The following BRINP2 variants were observed in gnomAD, a reference collection of about 807,000 sequenced individuals.
BRINP2 encodes the protein BMP/retinoic acid inducible neural specific 2.
BRINP2 carries 21 observed loss-of-function variants against 69.2 expected under a neutral mutation model. The ratio of observed to expected loss-of-function variants is 0.30; its 90% CI spans 0.22 to 0.44. The LOEUF (loss-of-function observed/expected upper bound fraction) is 0.44. BRINP2 is among the 20% of genes least tolerant of loss of function. BRINP2 has a pLI of 1.00. For missense variants in BRINP2, 877 were observed against 986.0 expected (o/e 0.89, Z 1.48); for synonymous variants, 380 against 394.1 (o/e 0.96, Z 0.42).
intron 1 of BRINP2, among the ~76,000 whole-genome samples, chr1:177,198,907 A>C (rs1648823142): frequency 6.6e-6 from 1 of 152,182 alleles, no homozygotes; most frequent in South Asian, 2.1e-4. Context: ...CACCTGTCTC[A>C]GTCATTTCTC....
At position 177,266,526 on chromosome 1, in the gene BRINP2, G is replaced by A. The variant is rs556603741; in HGVS notation, c.670-6962G>A. On this transcript the variant is annotated intron_variant, in intron 4 of 7. Coordinates refer to ENST00000361539, the MANE Select transcript of BRINP2 (RefSeq NM_021165.4). ...TGTAATCCCAGCACTTTGGGAGGCC[G>A]AGGAGGGCGGATCACGAGGTCAGGA... is the stretch of plus-strand genomic sequence containing the variant. Among the ~76,000 whole-genome samples the A allele has an allele frequency of 3.3e-5, 5 of 151,978 alleles. No homozygotes were observed. The South Asian group carries it at 6.3e-4, about 19-fold the overall frequency.
chr1:177,252,258 A>G (rs1477733741), intron 2 of BRINP2, among the ~76,000 whole-genome samples: 3 of 152,188 alleles, frequency 2.0e-5, no homozygotes, highest in Non-Finnish European at 2.9e-5. Context: ...ATAAAGCTAC[A>G]CAGCGGGAAT....
At chr1:177,248,003 G>A (rs1650439689) in intron 2 of BRINP2, among the ~76,000 whole-genome samples, 1 of 152,264 alleles carries the variant, frequency 6.6e-6, no homozygotes, top group East Asian at 1.9e-4. Context: ...ACAGGGATGT[G>A]ACTTTCCAAA....
chr1:177,272,179 G>A (rs569557394), intron 4 of BRINP2, among the ~76,000 whole-genome samples: 81 of 152,190 alleles, frequency 5.3e-4, no homozygotes, highest in Non-Finnish European at 9.9e-4. Context: ...AACACAGATG[G>A]TGCCTCTTCT....
At chr1:177,225,819 A>C (rs573836562) in intron 1 of BRINP2, among the ~76,000 whole-genome samples, 1 of 152,292 alleles carries the variant, frequency 6.6e-6, no homozygotes, top group South Asian at 2.1e-4. Flanking sequence ...TTTCTTAAAA[A>C]GAGATTTCTT....
Position 177,278,775 on chromosome 1 carries a change from C to T in BRINP2, c.1225C>T (p.Pro409Ser), listed in dbSNP as rs760874616. Residue 409 changes from proline (P) to serine (S), a missense_variant, in exon 7 of 8, where the codon CCC becomes TCC. Around this residue, in one of 3 missense-constraint regions of BRINP2, gnomAD observed 566 missense variants for 625.2 expected, o/e 0.91. Coordinates refer to ENST00000361539, the MANE Select transcript of BRINP2 (RefSeq NM_021165.4). ...CCATCGCCAGCCTCGCTTCCGCCTG[C>T]CCAAGGAGAGGTGAGCACCCCCTGG... Reference protein sequence around the residue: ...RCHRQPRFRLPKERSLSYWWN... With the variant: ...RCHRQPRFRLSKERSLSYWWN... 6.2e-7 allele frequency: 1 copy of T among 1,613,972 alleles called. No individual in the cohort carries two copies. The highest frequency in any genetic ancestry group is 8.5e-7 in the Non-Finnish European group (1 of 1,180,030).
intron 7 of BRINP2, 89 bp from the exon 8 acceptor site, chr1:177,280,323 C>A: frequency 7.7e-7 from 1 of 1,301,010 alleles, no homozygotes; most frequent in Non-Finnish European, 1.1e-6. Context: ...GCCTTCCACG[C>A]CTAGTGGTCA....
At chr1:177,268,004 C>T (rs994988595) in intron 4 of BRINP2, among the ~76,000 whole-genome samples, 44 of 152,198 alleles carry the variant, frequency 2.9e-4, no homozygotes, top group African/African-American at 1.0e-3. Context: ...CATGAAAAAA[C>T]AAGGATGATT....
chr1:177,186,797 T>C (rs1648439252), intron 1 of BRINP2, among the ~76,000 whole-genome samples: 1 of 152,228 alleles, frequency 6.6e-6, no homozygotes, highest in Non-Finnish European at 1.5e-5. Context: ...TTGCATCTTG[T>C]TCATTAACAA....
intron 4 of BRINP2, among the ~76,000 whole-genome samples, chr1:177,268,173 G>T (rs983107958): frequency 6.6e-6 from 1 of 152,182 alleles, no homozygotes; most frequent in African/African-American, 2.4e-5. Flanking sequence ...TTATGGGATT[G>T]ACATGCCCAT....
At chr1:177,280,340 T>G (rs886984592) in intron 7 of BRINP2, 72 bp from the exon 8 acceptor site, 1 of 1,424,956 alleles carries the variant, frequency 7.0e-7, no homozygotes, top group African/African-American at 1.4e-5. Context: ...GTCAATGTCT[T>G]GCTGCCCTTA....
chr1:177,222,489 T>G (rs1490286633), intron 1 of BRINP2, among the ~76,000 whole-genome samples: 1 of 151,950 alleles, frequency 6.6e-6, no homozygotes, highest in Non-Finnish European at 1.5e-5. Flanking sequence ...TTTTTATATT[T>G]TTAGAAGAGA....
chr1:177,182,326 T>C (rs903898110), intron 1 of BRINP2, among the ~76,000 whole-genome samples: 2 of 152,114 alleles, frequency 1.3e-5, no homozygotes, highest in Non-Finnish European at 2.9e-5. Flanking sequence ...TAATGACTAA[T>C]AATGATTTAA....
chr1:177,214,302 C>T (rs922108466), intron 1 of BRINP2, among the ~76,000 whole-genome samples: 10 of 151,818 alleles, frequency 6.6e-5, no homozygotes, highest in Admixed American at 3.3e-4. Context: ...GCCTGGTGGC[C>T]GGAGCCTGTA....
chr1:177,278,779 A>G lies in BRINP2; in HGVS notation c.1229A>G (p.Lys410Arg), dbSNP rs1362117033. Residue 410 changes from lysine to arginine, a missense_variant, in exon 7 of 8, where the codon AAG becomes AGG. By Grantham distance (26) the Lys-to-Arg change is conservative. Coordinates refer to ENST00000361539, the MANE Select transcript of BRINP2 (RefSeq NM_021165.4). ...CHRQPRFRLP[K>R]ERSLSYWWNR... ...CGCCAGCCTCGCTTCCGCCTGCCCA[A>G]GGAGAGGTGAGCACCCCCTGGCTGC... 1.9e-6 allele frequency: 3 copies of G among 1,613,798 alleles called. No individual in the cohort carries two copies. Among genetic ancestry groups the G allele is most frequent in the Non-Finnish European group, 2.5e-6 (3 of 1,180,026 alleles).
At chr1:177,179,373 C>T (rs1394454592) in intron 1 of BRINP2, among the ~76,000 whole-genome samples, 3 of 152,178 alleles carry the variant, frequency 2.0e-5, no homozygotes, top group Non-Finnish European at 4.4e-5. Context: ...AACCAAGACA[C>T]TAGCTGCTGT....
intron 1 of BRINP2, among the ~76,000 whole-genome samples, chr1:177,199,124 T>C (rs1172269532): frequency 6.6e-6 from 1 of 152,192 alleles, no homozygotes; most frequent in Non-Finnish European, 1.5e-5. Flanking sequence ...TATGTAAAGA[T>C]CTTTGACCTA....
At chr1:177,239,294 C>T (rs1337950393) in intron 2 of BRINP2, among the ~76,000 whole-genome samples, 2 of 152,234 alleles carry the variant, frequency 1.3e-5, no homozygotes, top group African/African-American at 4.8e-5. Flanking sequence ...GAGGAAGCCA[C>T]AGATGGATCT....
At chr1:177,257,626 G>A (rs1326922566) in intron 4 of BRINP2, among the ~76,000 whole-genome samples, 1 of 152,150 alleles carries the variant, frequency 6.6e-6, no homozygotes, top group Non-Finnish European at 1.5e-5. Context: ...GGCAGTCAAG[G>A]TCCCCATGCT....
Sources: allele counts gnomAD v4.1 joint callset (sites outside exome capture counted in the v4.1 genomes callset), GRCh38; gene constraint gnomAD v4.1.1; regional missense constraint gnomAD v4.1.1; transcripts MANE v1.5; gene names NCBI Gene and HGNC (gene_info 2026-07-23, HGNC 2026-07-21).